TENM2: variants seen among roughly 807,000 people sequenced by gnomAD.
TENM2 encodes teneurin-2.
In TENM2, 52 loss-of-function variants were observed where a neutral mutation model predicts 245.2. The observed-to-expected ratio is 0.21, with a 90% CI of 0.17 to 0.27. TENM2 has a LOEUF of 0.27. TENM2 is among the 10% of genes least tolerant of loss of function. TENM2 has a pLI of 1.00. For missense variants in TENM2, 3,046 were observed against 3,666.8 expected, an observed-to-expected ratio of 0.83 and a Z score of 4.37; for synonymous variants, 1,363 against 1,438.9, an observed-to-expected ratio of 0.95 and a Z score of 1.19.
At chr5:167,162,293 C>T in the TENM2 span, among the ~76,000 whole-genome samples, 1 of 151,920 alleles carries the variant, frequency 6.6e-6, no homozygotes, top group Non-Finnish European at 1.5e-5. Flanking sequence ...CTCAAATACT[C>T]AAATATATGT....
the TENM2 span, among the ~76,000 whole-genome samples, chr5:167,112,798 T>G: frequency 6.6e-6 from 1 of 152,224 alleles, no homozygotes; most frequent in Non-Finnish European, 1.5e-5. Context: ...CAGGGAGCTT[T>G]CCTAACGGAA....
At chr5:167,512,390 A>T (rs936837665) in intron 2 of TENM2, among the ~76,000 whole-genome samples, 1 of 152,186 alleles carries the variant, frequency 6.6e-6, no homozygotes, top group Non-Finnish European at 1.5e-5. Context: ...ACTATTTCAA[A>T]TAGTTCATTT....
chr5:167,902,630 A>G (rs951078338), intron 3 of TENM2, among the ~76,000 whole-genome samples: 1 of 152,186 alleles, frequency 6.6e-6, no homozygotes, highest in Non-Finnish European at 1.5e-5. Context: ...AAATGGAATG[A>G]GTTGTATAAA....
At chr5:166,998,918 G>A in the TENM2 span, among the ~76,000 whole-genome samples, 115 of 151,952 alleles carry the variant, frequency 7.6e-4, no homozygotes, top group African/African-American at 2.7e-3. Flanking sequence ...GATGGAGGGG[G>A]TGAGGTTGTG....
chr5:167,561,038 C>T lies in TENM2; in HGVS notation c.502+185565C>T, dbSNP rs180866831. ...ATGTCAATCATGCCAGTTGAGAAATCGCTATTATCCACAGAGGAACTGAGG... is the reference window on the plus strand; with the variant it reads ...ATGTCAATCATGCCAGTTGAGAAATTGCTATTATCCACAGAGGAACTGAGG... On this transcript the variant is annotated intron_variant, in intron 2 of 28. Transcript: ENST00000518659. Among the ~76,000 whole-genome samples, 61 of 152,258 alleles carry T rather than the reference C, an allele frequency of 4.0e-4. No individual in the cohort carries two copies. The East Asian group carries it at 6.0e-3, about 15-fold the overall frequency.
At chr5:167,496,324 C>T (rs1768814746) in intron 2 of TENM2, among the ~76,000 whole-genome samples, 1 of 152,068 alleles carries the variant, frequency 6.6e-6, no homozygotes, top group African/African-American at 2.4e-5. Flanking sequence ...TCTTTCAACT[C>T]TGATGTTTAC....
the TENM2 span, among the ~76,000 whole-genome samples, chr5:166,996,946 T>C: frequency 2.0e-5 from 3 of 152,218 alleles, no homozygotes; most frequent in African/African-American, 7.2e-5. Context: ...ACAGCAGTTA[T>C]TCCTCACTGA....
intron 2 of TENM2, among the ~76,000 whole-genome samples, chr5:167,724,448 G>A (rs969324455): frequency 1.3e-5 from 2 of 152,124 alleles, no homozygotes; most frequent in South Asian, 2.1e-4. Flanking sequence ...TACTATGGTT[G>A]AGGCATTATT....
At chr5:167,972,965 A>G (rs1011270013) in intron 4 of TENM2, among the ~76,000 whole-genome samples, 1 of 151,786 alleles carries the variant, frequency 6.6e-6, no homozygotes, top group African/African-American at 2.4e-5. Context: ...GTGCTACAGC[A>G]TGGCCTACGT....
chr5:167,311,818 T>C (rs1229067450), intron 1 of TENM2, among the ~76,000 whole-genome samples: 1 of 152,218 alleles, frequency 6.6e-6, no homozygotes, highest in East Asian at 1.9e-4. Flanking sequence ...TTACAAATCA[T>C]ATTCTAAATT....
At chr5:168,144,702 G>A (rs574981722) in intron 12 of TENM2, among the ~76,000 whole-genome samples, 57 of 151,950 alleles carry the variant, frequency 3.8e-4, no homozygotes, top group African/African-American at 1.3e-3. Context: ...ACCCAGTAAT[G>A]GGATGGCTGG....
At chr5:168,023,335 G>A (rs958494459) in intron 5 of TENM2, among the ~76,000 whole-genome samples, 1 of 152,184 alleles carries the variant, frequency 6.6e-6, no homozygotes, top group African/African-American at 2.4e-5. Flanking sequence ...TGGGTAAGCC[G>A]TGATGATTTC....
At chr5:167,440,849 A>C (rs935730008) in intron 2 of TENM2, among the ~76,000 whole-genome samples, 3 of 137,572 alleles carry the variant, frequency 2.2e-5, no homozygotes, top group Non-Finnish European at 4.7e-5. Context: ...AGCCCAAGTA[A>C]GTCAACAGTC....
intron 2 of TENM2, among the ~76,000 whole-genome samples, chr5:167,839,663 T>C (rs951120914): frequency 1.1e-4 from 16 of 152,310 alleles, no homozygotes; most frequent in Admixed American, 4.6e-4. Flanking sequence ...TTTCTATTGA[T>C]ATTGAAAATA....
chr5:168,026,429 A>G (rs1383910088), intron 5 of TENM2, among the ~76,000 whole-genome samples: 1 of 152,232 alleles, frequency 6.6e-6, no homozygotes, highest in African/African-American at 2.4e-5. Flanking sequence ...CCTGAAAGTG[A>G]TAGTATTTTT....
the TENM2 span, among the ~76,000 whole-genome samples, chr5:167,048,007 T>A: frequency 6.6e-6 from 1 of 152,112 alleles, no homozygotes; most frequent in Non-Finnish European, 1.5e-5. Flanking sequence ...GTGTAAAACA[T>A]ATTGAAGAAG....
chr5:167,726,949 T>C (rs1252173732), intron 2 of TENM2, among the ~76,000 whole-genome samples: 1 of 152,152 alleles, frequency 6.6e-6, no homozygotes, highest in Non-Finnish European at 1.5e-5. Context: ...AAAGAATAAG[T>C]CTTCATGATA....
At chr5:167,742,065 T>C (rs1016910707) in intron 2 of TENM2, among the ~76,000 whole-genome samples, 1 of 152,150 alleles carries the variant, frequency 6.6e-6, no homozygotes, top group Non-Finnish European at 1.5e-5. Flanking sequence ...AAAAGAAATA[T>C]CCTAAGTGGC....
chr5:167,281,421 C>G (rs1771061233), upstream of TENM2, among the ~76,000 whole-genome samples: 1 of 151,964 alleles, frequency 6.6e-6, no homozygotes, highest in Non-Finnish European at 1.5e-5. Context: ...GGCTGACAAT[C>G]AGTTTTTAAG....
Sources: gnomAD v4.1 joint callset for allele counts (sites outside exome capture counted in the v4.1 genomes callset) on GRCh38, gnomAD v4.1.1 for gene constraint, MANE v1.5 for transcripts, NCBI Gene and HGNC (gene_info 2026-07-23, HGNC 2026-07-21) for gene names.